The following CCDC171 variants were observed in gnomAD, a reference collection of about 807,000 sequenced individuals.
CCDC171 encodes the protein coiled-coil domain-containing protein 171.
CCDC171 carries 177 observed loss-of-function variants against 168.2 expected under a neutral mutation model. The observed-to-expected ratio is 1.05, with a 90% CI of 0.93 to 1.19. The LOEUF (loss-of-function observed/expected upper bound fraction) is 1.19. CCDC171 is among the 50% of genes most tolerant of loss of function. The pLI is 0.00. For synonymous variants in CCDC171, 687 were observed against 540.8 expected (o/e 1.27, Z -3.75); for missense variants, 1,991 against 1,539.0 (o/e 1.29, Z -4.91).
At chr9:15,632,801 A>G (rs1564096383) in intron 7 of CCDC171, among the ~76,000 whole-genome samples, 1 of 152,226 alleles carries the variant, frequency 6.6e-6, no homozygotes. Flanking sequence ...CCAAAACAGT[A>G]TGGTACTGGT....
chr9:15,889,048 T>A (rs978322274), intron 24 of CCDC171: 2 of 130,890 alleles, frequency 1.5e-5, no homozygotes, highest in African/African-American at 5.6e-5. Context: ...AACCTCCACC[T>A]CCCAGGTTTA....
At chr9:15,829,129 T>C (rs960740085) in intron 21 of CCDC171, among the ~76,000 whole-genome samples, 3 of 152,232 alleles carry the variant, frequency 2.0e-5, no homozygotes, top group Non-Finnish European at 4.4e-5. Flanking sequence ...GACACCCAAA[T>C]TTCCTTTTAC....
chr9:15,777,037 C>G (rs2135380348), intron 18 of CCDC171, among the ~76,000 whole-genome samples: 1 of 152,270 alleles, frequency 6.6e-6, no homozygotes, highest in East Asian at 1.9e-4. Context: ...AGAGCACTGA[C>G]AATTTTATTT....
At position 15,720,278 on chromosome 9, in the gene CCDC171, C is replaced by T. The variant is rs572838520; in HGVS notation, c.1319-1491C>T. Among the ~76,000 whole-genome samples, 4 of 152,154 alleles carry T rather than the reference C, an allele frequency of 2.6e-5. No individual in the cohort carries two copies. The East Asian group carries it at 7.7e-4, about 29-fold the overall frequency. ...CCCTTTCTTCCTTCTTTATTACTGC[C>T]TTCCCCCACTTCTCCATAAGTTCTA... On this transcript the variant is annotated intron_variant, in intron 11 of 25. Transcript: ENST00000380701.
At chr9:15,639,646 T>G (rs911498027) in intron 7 of CCDC171, among the ~76,000 whole-genome samples, 4 of 152,160 alleles carry the variant, frequency 2.6e-5, no homozygotes, top group African/African-American at 9.6e-5. Flanking sequence ...ATATATCCCT[T>G]CTGAAACCGT....
the CCDC171 span, among the ~76,000 whole-genome samples, chr9:16,107,272 C>T: frequency 6.6e-6 from 1 of 152,128 alleles, no homozygotes; most frequent in Non-Finnish European, 1.5e-5. Flanking sequence ...ACCTTAGCCT[C>T]CTGAGTAGCT....
chr9:15,755,358 G>C (rs368348897), intron 18 of CCDC171, among the ~76,000 whole-genome samples: 1 of 152,182 alleles, frequency 6.6e-6, no homozygotes, highest in Non-Finnish European at 1.5e-5. Flanking sequence ...CTTTGGAAAA[G>C]AGTCTGGAAG....
At chr9:15,692,900 G>A (rs2050922225) in intron 10 of CCDC171, among the ~76,000 whole-genome samples, 1 of 149,770 alleles carries the variant, frequency 6.7e-6, no homozygotes, top group African/African-American at 2.4e-5. Flanking sequence ...ACTTTGGGAG[G>A]CCGAGACGGG....
chr9:15,958,612 G>A (rs1830047099), intron 25 of CCDC171, among the ~76,000 whole-genome samples: 1 of 151,108 alleles, frequency 6.6e-6, no homozygotes, highest in African/African-American at 2.4e-5. Context: ...GATACCTGAG[G>A]TAAGCTTTGA....
rs146049860 is a variant in CCDC171, at chr9:16,053,119, G to T, written n.90-7527G>T. 1.2e-3 allele frequency among the ~76,000 whole-genome samples: 183 copies of T among 152,338 alleles called. 5 individuals carry two copies. The highest frequency in any genetic ancestry group is 4.0e-3 in the Admixed American group (61 of 15,298). On this transcript the variant is annotated intron_variant and non_coding_transcript_variant, in intron 1 of 1. Coordinates refer to the CCDC171 transcript ENST00000478913. ...TAGCTGGACAAATCCTAACCGATGG[G>T]TGTTAAGTTTCTAAGATCAAAGAAT...
intron 21 of CCDC171, among the ~76,000 whole-genome samples, chr9:15,791,821 T>G (rs376794123): frequency 6.6e-6 from 1 of 151,330 alleles, no homozygotes; most frequent in Non-Finnish European, 1.5e-5. Context: ...AAACCTCATA[T>G]GTACGTCACC....
At chr9:15,879,525 A>G (rs1365578229) in intron 24 of CCDC171, among the ~76,000 whole-genome samples, 1 of 152,204 alleles carries the variant, frequency 6.6e-6, no homozygotes, top group East Asian at 1.9e-4. Context: ...ATTGAATATT[A>G]GAACTTATAC....
At chr9:15,813,613 T>TGTGTGTGA (rs2059445271) in intron 21 of CCDC171, among the ~76,000 whole-genome samples, 1 of 151,774 alleles carries the variant, frequency 6.6e-6, no homozygotes, top group South Asian at 2.1e-4. Context: ...TATTTGTGTG[T>TGTGTGTGA]GTGTGTGTGT....
chr9:15,849,844 C>T (rs948811525), intron 23 of CCDC171, among the ~76,000 whole-genome samples: 18 of 151,604 alleles, frequency 1.2e-4, no homozygotes, highest in Non-Finnish European at 2.4e-4. Context: ...ATAAAATTAG[C>T]AAACTAATAG....
intron 12 of CCDC171, 70 bp from the exon 13 acceptor site, chr9:15,723,611 C>T: frequency 9.4e-7 from 1 of 1,058,758 alleles, no homozygotes; most frequent in South Asian, 1.4e-5. Flanking sequence ...TTGAGTTACC[C>T]ATCCTTGAAA....
rs145124380 is a variant in CCDC171, at chr9:15,843,490, C to G, written c.3268-3212C>G. ...CTTGGTAAGTATTAAGACCTGAGTA[C>G]AAAATGAGGGCTGTATTGTGGATTA... is the stretch of plus-strand genomic sequence containing the variant. On this transcript the variant is annotated intron_variant, in intron 21 of 25. Transcript: ENST00000380701. Among the ~76,000 whole-genome samples, 599 of 151,928 alleles carry G rather than the reference C, an allele frequency of 3.9e-3. 1 individual carries two copies. Among genetic ancestry groups the G allele is most frequent in the Non-Finnish European group, 6.0e-3 (407 of 67,916 alleles).
intron 6 of CCDC171, among the ~76,000 whole-genome samples, chr9:15,610,112 C>G (rs1359905055): frequency 6.6e-6 from 1 of 151,852 alleles, no homozygotes; most frequent in Non-Finnish European, 1.5e-5. Flanking sequence ...AGTATATTCT[C>G]CTTGTTTCAT....
chr9:15,673,650 T>G (rs1375398433), intron 9 of CCDC171, among the ~76,000 whole-genome samples: 1 of 152,204 alleles, frequency 6.6e-6, no homozygotes, highest in Non-Finnish European at 1.5e-5. Flanking sequence ...TGGATTACAT[T>G]TATTCATTTG....
chr9:15,965,805 G>C (rs1373425978), intron 25 of CCDC171, among the ~76,000 whole-genome samples: 1 of 152,176 alleles, frequency 6.6e-6, no homozygotes, highest in Non-Finnish European at 1.5e-5. Context: ...CACAGGTTAA[G>C]TAACTTGTCA....
Sources: allele counts gnomAD v4.1 joint callset (sites outside exome capture counted in the v4.1 genomes callset), GRCh38; gene constraint gnomAD v4.1.1; transcripts MANE v1.5; gene names NCBI Gene and HGNC (gene_info 2026-07-23, HGNC 2026-07-21).